ABCB1: variants seen among roughly 807,000 people sequenced by gnomAD.
ABCB1 encodes the protein ATP-dependent translocase ABCB1.
Under a neutral mutation model 142.0 loss-of-function variants are expected in ABCB1, and 69 were observed. The observed-to-expected ratio is 0.49, with a 90% CI of 0.40 to 0.59. The LOEUF (loss-of-function observed/expected upper bound fraction) is 0.59. ABCB1 is among the 20% of genes least tolerant of loss of function. ABCB1 has a pLI of 0.00. For synonymous variants in ABCB1, 532 were observed against 539.2 expected (o/e 0.99, Z 0.18); for missense variants, 1,326 against 1,554.7 (o/e 0.85, Z 2.47).
rs1563031596 is a variant in ABCB1, at chr7:87,519,367, G to A, written c.2886C>T (p.Tyr962=). 3 of 1,614,132 alleles carry A rather than the reference G, an allele frequency of 1.9e-6. No individual in the cohort carries two copies. Among genetic ancestry groups the A allele is most frequent in the Non-Finnish European group, 2.5e-6 (3 of 1,179,986 alleles). Residue 962 remains tyrosine (Y), a synonymous_variant, in exon 23 of 28, where the codon TAC becomes TAT. Transcript: ENST00000622132. ...SYAGCFRFGA[Y]LVAHKLMSFE... ...AGCTCATGAGTTTATGTGCCACCAA[G>A]TAGGCTCCAAACCGGAAACATCCAG...
intron 4 of ABCB1, among the ~76,000 whole-genome samples, chr7:87,575,685 T>G (rs1209420990): frequency 6.6e-6 from 1 of 152,220 alleles, no homozygotes; most frequent in Admixed American, 6.5e-5. Context: ...AACTGAAGGC[T>G]GTGACTCAGT....
At chr7:87,504,540 G>A (rs926532579) in intron 27 of ABCB1, 91 bp from the exon 28 acceptor site, 6 of 1,528,972 alleles carry the variant, frequency 3.9e-6, no homozygotes, top group South Asian at 1.2e-5. Context: ...CGGGCATGGT[G>A]GCTCACGCCT....
chr7:87,695,094 A>G (rs752062410), intron 1 of ABCB1, among the ~76,000 whole-genome samples: 3 of 152,150 alleles, frequency 2.0e-5, no homozygotes, highest in Non-Finnish European at 4.4e-5. Context: ...CAATGTAAGT[A>G]CAATTGAGTA....
At chr7:87,610,934 A>G (rs1021446301) in intron 1 of ABCB1, among the ~76,000 whole-genome samples, 8 of 152,138 alleles carry the variant, frequency 5.3e-5, no homozygotes, top group Non-Finnish European at 8.8e-5. Flanking sequence ...CTCTATATCC[A>G]ATTTGAATCC....
chr7:87,538,664 T>C (rs146043871), intron 19 of ABCB1, among the ~76,000 whole-genome samples: 1 of 152,324 alleles, frequency 6.6e-6, no homozygotes, highest in East Asian at 1.9e-4. Context: ...TGCTCTGAGT[T>C]ACATTCCTCT....
At chr7:87,638,345 T>TGTGTGTGTG (rs1822035831) in intron 1 of ABCB1, among the ~76,000 whole-genome samples, 1 of 144,696 alleles carries the variant, frequency 6.9e-6, no homozygotes, top group African/African-American at 2.6e-5. Flanking sequence ...AAGTATGTGT[T>TGTGTGTGTG]TGTGTGTGTG....
At chr7:87,522,575 TA>T (rs1306282131) in intron 21 of ABCB1, among the ~76,000 whole-genome samples, 1 of 152,158 alleles carries the variant, frequency 6.6e-6, no homozygotes, top group East Asian at 1.9e-4. Context: ...TGTGTATGGG[TA>T]AAAAACTCGA....
At chr7:87,585,872 C>T (rs1584902793) in intron 3 of ABCB1, among the ~76,000 whole-genome samples, 192 bp from the exon 4 acceptor site, 1 of 152,170 alleles carries the variant, frequency 6.6e-6, no homozygotes, top group African/African-American at 2.4e-5. Context: ...TTGATTCTTC[C>T]ATTGAGTTCT....
intron 1 of ABCB1, among the ~76,000 whole-genome samples, chr7:87,640,376 G>T (rs1180011395): frequency 5.9e-5 from 9 of 151,804 alleles, no homozygotes; most frequent in Non-Finnish European, 8.8e-5. Flanking sequence ...TTAGAGGTTG[G>T]GTCTTGCTGT....
intron 3 of ABCB1, among the ~76,000 whole-genome samples, chr7:87,592,360 T>C (rs1196670807): frequency 6.6e-6 from 1 of 152,146 alleles, no homozygotes; most frequent in Non-Finnish European, 1.5e-5. Flanking sequence ...AGGAAACAGA[T>C]TCAGACACAG....
At chr7:87,562,878 C>A (rs1187327437) in intron 7 of ABCB1, among the ~76,000 whole-genome samples, 4 of 151,906 alleles carry the variant, frequency 2.6e-5, no homozygotes, top group African/African-American at 9.7e-5. Flanking sequence ...GTGGGAGAAT[C>A]ACTTGAGGCC....
chr7:87,612,470 T>G (rs1333286189), intron 1 of ABCB1, among the ~76,000 whole-genome samples: 2 of 152,182 alleles, frequency 1.3e-5, no homozygotes, highest in African/African-American at 4.8e-5. Context: ...AGTTTCATTC[T>G]TGTACATGTG....
intron 8 of ABCB1, among the ~76,000 whole-genome samples, chr7:87,558,237 C>T (rs1024165998): frequency 2.6e-5 from 4 of 152,172 alleles, no homozygotes; most frequent in Non-Finnish European, 5.9e-5. Flanking sequence ...GACTTCAATC[C>T]AGATCCATAG....
chr7:87,604,791 A>G (rs1359853334), upstream of ABCB1, among the ~76,000 whole-genome samples: 1 of 152,196 alleles, frequency 6.6e-6, no homozygotes, highest in Non-Finnish European at 1.5e-5. Context: ...TAGCCATGTG[A>G]TAAGTCGATG....
chr7:87,578,897 T>G (rs1818387060), intron 4 of ABCB1, among the ~76,000 whole-genome samples: 2 of 151,470 alleles, frequency 1.3e-5, no homozygotes, highest in Admixed American at 6.6e-5. Context: ...GTTTCACCGT[T>G]TTAGCCGGGA....
chr7:87,623,209 G>A (rs1455539578), intron 1 of ABCB1, among the ~76,000 whole-genome samples: 1 of 152,172 alleles, frequency 6.6e-6, no homozygotes, highest in African/African-American at 2.4e-5. Flanking sequence ...TTTAGAGAAC[G>A]GTTCTGATGA....
chr7:87,602,767 T>A (rs1563071533), upstream of ABCB1, among the ~76,000 whole-genome samples: 1 of 152,170 alleles, frequency 6.6e-6, no homozygotes, highest in Non-Finnish European at 1.5e-5. Flanking sequence ...TATATTGTAT[T>A]CCATTTCTTT....
At chr7:87,541,244 A>G in intron 18 of ABCB1, 113 bp downstream of exon 18, 1 of 745,486 alleles carries the variant, frequency 1.3e-6, no homozygotes, top group Non-Finnish European at 2.3e-6. Flanking sequence ...GTTAGTAGCC[A>G]TGTTAATAGA....
rs779771917 is a variant in ABCB1 at position 87,600,103 on chromosome 7, AAC to A, written c.68+12_68+13del. On this transcript the variant is annotated intron_variant, in intron 2 of 27. Coordinates refer to ENST00000622132, the MANE Select transcript of ABCB1 (RefSeq NM_001348946.2). ...GCAACTATGTAAACTATGAAAATGA[AAC>A]AAGCTAGTTACCTTTTATTGTTCAG... The A allele has an allele frequency of 3.7e-6, 6 of 1,609,010 alleles. No homozygotes were observed. In the Admixed American group the frequency reaches 1.0e-4, roughly 27 times the overall value.
Sources: gnomAD v4.1 joint callset for allele counts (sites outside exome capture counted in the v4.1 genomes callset) on GRCh38, gnomAD v4.1.1 for gene constraint, MANE v1.5 for transcripts, NCBI Gene and HGNC (gene_info 2026-07-23, HGNC 2026-07-21) for gene names.